The following SUCLG2 variants were observed in gnomAD, a reference collection of about 807,000 sequenced individuals.
The protein encoded by SUCLG2 is succinate-CoA ligase GDP-forming subunit beta.
In SUCLG2, 42 loss-of-function variants were observed where a neutral mutation model predicts 47.9. The observed-to-expected ratio is 0.88, with a 90% CI of 0.69 to 1.14. The LOEUF (loss-of-function observed/expected upper bound fraction) is 1.14, where lower values mean the gene tolerates loss of function less well. Among genes scored for constraint, SUCLG2 ranks in the 50% most tolerant of loss-of-function variants. SUCLG2 has a pLI of 0.00. For missense variants in SUCLG2, 571 were observed against 525.9 expected (o/e 1.09, Z -0.84); for synonymous variants, 195 against 197.3 (o/e 0.99, Z 0.10).
chr3:67,459,023 A>G (rs1053376261), intron 9 of SUCLG2, among the ~76,000 whole-genome samples: 1 of 152,212 alleles, frequency 6.6e-6, no homozygotes, highest in Admixed American at 6.5e-5. Flanking sequence ...TATGTGGTCA[A>G]TCAAATCTAA....
At chr3:67,543,811 T>C (rs976107404) in intron 2 of SUCLG2, among the ~76,000 whole-genome samples, 5 of 149,192 alleles carry the variant, frequency 3.4e-5, no homozygotes, top group South Asian at 2.1e-4. Flanking sequence ...ATAAAAAGAG[T>C]TTAAAAGCTG....
At chr3:67,442,004 C>A (rs929626132) in intron 9 of SUCLG2, among the ~76,000 whole-genome samples, 3 of 148,518 alleles carry the variant, frequency 2.0e-5, no homozygotes, top group African/African-American at 7.4e-5. Context: ...TGGCTGTCTA[C>A]TTTCTTTCTT....
chr3:67,553,644 T>G (rs946497359), intron 2 of SUCLG2, among the ~76,000 whole-genome samples: 3 of 152,198 alleles, frequency 2.0e-5, no homozygotes, highest in African/African-American at 7.2e-5. Flanking sequence ...CTTCAATTTC[T>G]GACCTGGAAA....
At chr3:67,528,316 G>T in intron 3 of SUCLG2, 94 bp from the exon 4 acceptor site, 1 of 1,119,726 alleles carries the variant, frequency 8.9e-7, no homozygotes, top group Non-Finnish European at 1.3e-6. Flanking sequence ...ACACTGCAAA[G>T]GGTTCACCTT....
chr3:67,372,894 G>A (rs1701972855), downstream of SUCLG2, among the ~76,000 whole-genome samples: 2 of 152,104 alleles, frequency 1.3e-5, no homozygotes, highest in African/African-American at 2.4e-5. Flanking sequence ...ATATTTTAGG[G>A]TCATAAGGTT....
At chr3:67,393,744 C>G (rs1261834257) in intron 10 of SUCLG2, among the ~76,000 whole-genome samples, 1 of 152,184 alleles carries the variant, frequency 6.6e-6, no homozygotes, top group Non-Finnish European at 1.5e-5. Context: ...GACCCCTGAC[C>G]CCTGAGCAGC....
intron 1 of SUCLG2, among the ~76,000 whole-genome samples, chr3:67,624,467 T>C (rs1700788548): frequency 6.6e-6 from 1 of 152,076 alleles, no homozygotes; most frequent in Admixed American, 6.5e-5. Flanking sequence ...AAATATAACA[T>C]TGCAGAGAGC....
Position 67,400,752 on chromosome 3 carries a change from G to T in SUCLG2, c.1162C>A (p.Pro388Thr), listed in dbSNP as rs771272322. ...KACRELELKV[P>T]LVVRLEGTNV... ...TCACCTTCAAGCCGGACCACCAGGG[G>T]CACCTTGAGTTCTAGCTCCCGGCAG... is the stretch of plus-strand genomic sequence containing the variant. The change falls in exon 10 of 11, where the codon CCC becomes ACC. Residue 388 changes from proline (P) to threonine (T), a missense_variant. Transcript: ENST00000307227. 1 of 1,611,834 alleles carries T rather than the reference G, an allele frequency of 6.2e-7. No homozygotes were observed.
At chr3:67,396,400 G>A (rs1346191092) in intron 10 of SUCLG2, among the ~76,000 whole-genome samples, 25 of 151,940 alleles carry the variant, frequency 1.6e-4, no homozygotes, top group Non-Finnish European at 2.2e-4. Context: ...ACACCTCTAC[G>A]CAAATAAACT....
intron 9 of SUCLG2, among the ~76,000 whole-genome samples, chr3:67,463,706 G>A (rs1704394852): frequency 1.3e-5 from 2 of 152,124 alleles, no homozygotes; most frequent in Admixed American, 1.3e-4. Context: ...CTGTTAGCCT[G>A]GAAAATATTG....
intron 2 of SUCLG2, among the ~76,000 whole-genome samples, chr3:67,531,746 C>G (rs910210994): frequency 1.3e-5 from 2 of 152,178 alleles, no homozygotes; most frequent in African/African-American, 4.8e-5. Flanking sequence ...AGCAAGTCAG[C>G]AGCCCAAAGT....
chr3:67,578,029 G>A (rs745505245), intron 2 of SUCLG2, among the ~76,000 whole-genome samples: 56 of 151,814 alleles, frequency 3.7e-4, no homozygotes, highest in Non-Finnish European at 7.4e-4. Context: ...AAGACCAGGG[G>A]TTTATTTTGT....
chr3:67,394,187 G>C (rs1473772152), intron 10 of SUCLG2, among the ~76,000 whole-genome samples: 9 of 152,324 alleles, frequency 5.9e-5, no homozygotes, highest in Non-Finnish European at 1.3e-4. Context: ...ACTTTGACGA[G>C]TTGAGAGAAG....
chr3:67,522,346 G>T (rs1369558498), intron 4 of SUCLG2, among the ~76,000 whole-genome samples: 1 of 151,852 alleles, frequency 6.6e-6, no homozygotes, highest in Non-Finnish European at 1.5e-5. Flanking sequence ...TGCCTGGCCT[G>T]CTGACAGACA....
chr3:67,616,987 CAA>C (rs1385522317), intron 1 of SUCLG2, among the ~76,000 whole-genome samples: 15 of 152,240 alleles, frequency 9.9e-5, no homozygotes, highest in Admixed American at 9.2e-4. Flanking sequence ...TGTGGCAAGT[CAA>C]AAGTTAGTAT....
At chr3:67,456,212 A>G (rs1487276943) in intron 9 of SUCLG2, among the ~76,000 whole-genome samples, 1 of 152,152 alleles carries the variant, frequency 6.6e-6, no homozygotes, top group Non-Finnish European at 1.5e-5. Flanking sequence ...TGATACATGA[A>G]TATCTTAAAT....
At position 67,507,204 on chromosome 3, in the gene SUCLG2, T is replaced by TA. The variant is rs566265455; in HGVS notation, c.757+1602dup. Among the ~76,000 whole-genome samples the TA allele has an allele frequency of 3.3e-5, 5 of 152,090 alleles. No homozygotes were observed. The South Asian group carries it at 8.3e-4, about 25-fold the overall frequency. ...CACAATTTGATAGCCATAGCAACTT[T>TA]AAAAAAAATATTTATGAATAAAGGT... On this transcript the variant is annotated intron_variant, in intron 7 of 10. Transcript: ENST00000307227.
At chr3:67,425,838 C>T (rs981356314) in intron 9 of SUCLG2, among the ~76,000 whole-genome samples, 1 of 152,138 alleles carries the variant, frequency 6.6e-6, no homozygotes, top group Non-Finnish European at 1.5e-5. Flanking sequence ...CACTGGACAC[C>T]ATGATACTGC....
intron 1 of SUCLG2, among the ~76,000 whole-genome samples, chr3:67,616,420 G>A (rs944847785): frequency 1.6e-4 from 25 of 152,114 alleles, no homozygotes; most frequent in African/African-American, 5.8e-4. Flanking sequence ...GCAATAATGT[G>A]TATCTTCTAA....
Sources: gnomAD v4.1 joint callset for allele counts (sites outside exome capture counted in the v4.1 genomes callset) on GRCh38, gnomAD v4.1.1 for gene constraint, MANE v1.5 for transcripts, NCBI Gene and HGNC (gene_info 2026-07-23, HGNC 2026-07-21) for gene names.